The following SPINK7 variants were observed in gnomAD, a reference collection of about 807,000 sequenced individuals.
SPINK7 encodes the protein serine protease inhibitor Kazal-type 7.
SPINK7 carries 8 observed loss-of-function variants against 11.6 expected under a neutral mutation model. That is an observed-to-expected ratio of 0.69 (90% CI 0.41 to 1.25). The LOEUF (loss-of-function observed/expected upper bound fraction) is 1.25, where lower values mean the gene tolerates loss of function less well. Ranked by LOEUF, SPINK7 falls within the 50% of genes most tolerant of loss-of-function variation. SPINK7 has a pLI of 0.01. For missense variants in SPINK7, 113 were observed against 99.3 expected (o/e 1.14, Z -0.58); for synonymous variants, 38 against 35.3 (o/e 1.08, Z -0.27).
At chr5:148,313,594 A>T (rs1215742140) in intron 2 of SPINK7, 195 bp downstream of exon 2, 1 of 430,490 alleles carries the variant, frequency 2.3e-6, no homozygotes, top group Non-Finnish European at 4.1e-6. Context: ...AATGTTTTTT[A>T]AAAATGCCAG....
intron 3 of SPINK7, among the ~76,000 whole-genome samples, chr5:148,314,881 T>C (rs1756909990): frequency 6.6e-6 from 1 of 152,180 alleles, no homozygotes; most frequent in African/African-American, 2.4e-5. Flanking sequence ...CTGTCAGTAT[T>C]TGGACCAGAA....
intron 3 of SPINK7, among the ~76,000 whole-genome samples, chr5:148,315,123 T>C (rs1252103883): frequency 6.6e-6 from 1 of 152,132 alleles, no homozygotes; most frequent in Non-Finnish European, 1.5e-5. Flanking sequence ...CAACAAGCCC[T>C]TAGCCCAAAA....
intron 2 of SPINK7, 41 bp downstream of exon 2, chr5:148,313,440 ACTGT>A: frequency 2.0e-6 from 3 of 1,464,772 alleles, no homozygotes; most frequent in Non-Finnish European, 2.9e-6. Context: ...ATAACTATTG[ACTGT>A]CATTTAGTCA....
At chr5:148,314,303 C>A (rs1374004113) in intron 3 of SPINK7, 79 bp downstream of exon 3, 1 of 1,484,486 alleles carries the variant, frequency 6.7e-7, no homozygotes, top group Admixed American at 1.8e-5. Context: ...CAGGATCCAG[C>A]TTAAATCTCT....
At chr5:148,315,122 C>G (rs978330456) in intron 3 of SPINK7, among the ~76,000 whole-genome samples, 1 of 152,064 alleles carries the variant, frequency 6.6e-6, no homozygotes, top group Non-Finnish European at 1.5e-5. Flanking sequence ...ACAACAAGCC[C>G]TTAGCCCAAA....
intron 1 of SPINK7, 123 bp downstream of exon 1, chr5:148,312,667 A>G (rs2113397561): frequency 3.3e-6 from 2 of 614,078 alleles, no homozygotes; most frequent in Middle Eastern, 3.9e-4. Flanking sequence ...CTGGTTTGTA[A>G]TAGGATCTTA....
chr5:148,315,658 C>G lies in SPINK7; in HGVS notation c.232C>G (p.Gln78Glu), dbSNP rs1391801326. The G allele has an allele frequency of 3.1e-6, 5 of 1,602,156 alleles. No individual in the cohort carries two copies. In the African/African-American group the frequency reaches 4.0e-5, roughly 13 times the overall value. ...TESLKSNGRV[Q>E]FLHDGSC ...CCTTAGGAAAAGTAATGGAAGAGTT[C>G]AGTTTCTTCACGATGGAAGTTGCTA... Residue 78 changes from glutamine to glutamate, a missense_variant, in exon 4 of 4, where the codon CAG becomes GAG. Gln to Glu is a conservative substitution (Grantham distance 29). Coordinates refer to ENST00000274565, the MANE Select transcript of SPINK7 (RefSeq NM_032566.3).
intron 1 of SPINK7, 46 bp from the exon 2 acceptor site, chr5:148,313,328 A>C: frequency 6.6e-7 from 1 of 1,506,368 alleles, no homozygotes. Context: ...AATGAGATTT[A>C]AAGTTTGCTT....
At chr5:148,313,950 T>C in intron 2 of SPINK7, 150 bp from the exon 3 acceptor site, 1 of 887,410 alleles carries the variant, frequency 1.1e-6, no homozygotes. Context: ...AGTGCTAGTA[T>C]TTGTCATAGT....
At position 148,314,146 on chromosome 5, in the gene SPINK7, G is replaced by A. The variant is rs1756898230; in HGVS notation, c.134G>A (p.Cys45Tyr). The A allele has an allele frequency of 6.2e-7, 1 of 1,613,748 alleles. No homozygotes were observed. Among genetic ancestry groups the A allele is most frequent in the African/African-American group, 1.3e-5 (1 of 74,960 alleles). ...YKKYPVVAIP[C>Y]PITYLPVCGS... ...AAGTATCCAGTGGTGGCCATCCCCT[G>A]CCCCATCACATACCTACCAGTTTGT... Residue 45 changes from cysteine to tyrosine, a missense_variant, in exon 3 of 4, where the codon TGC becomes TAC. Physicochemically the swap from Cys to Tyr is radical, Grantham distance 194 (BLOSUM62 -2). Coordinates refer to ENST00000274565, the MANE Select transcript of SPINK7 (RefSeq NM_032566.3).
intron 3 of SPINK7, among the ~76,000 whole-genome samples, chr5:148,315,070 G>C (rs1392918710): frequency 6.6e-6 from 1 of 152,106 alleles, no homozygotes; most frequent in Non-Finnish European, 1.5e-5. Context: ...TGGACACTTA[G>C]ATCTTGCGTT....
At chr5:148,313,495 G>A in intron 2 of SPINK7, 96 bp downstream of exon 2, 1 of 850,116 alleles carries the variant, frequency 1.2e-6, no homozygotes. Flanking sequence ...GGATTCGAGA[G>A]GGAGGCAAAC....
chr5:148,314,305 T>G (rs1756902725), intron 3 of SPINK7, 81 bp downstream of exon 3: 5 of 1,459,358 alleles, frequency 3.4e-6, no homozygotes. Flanking sequence ...GGATCCAGCT[T>G]AAATCTCTAT....
chr5:148,313,354 C>A lies in SPINK7; in HGVS notation c.62-20C>A. 1 of 1,591,670 alleles carries A rather than the reference C, an allele frequency of 6.3e-7. No homozygotes were observed. The highest frequency in any genetic ancestry group is 8.6e-7 in the Non-Finnish European group (1 of 1,164,564). On this transcript the variant is annotated intron_variant, in intron 1 of 3. Transcript: ENST00000274565. ...AAGTTTGCTTTACTTTTAACATCTT[C>A]ATCTGTATCTCTTTTTCAGAAGCTG...
intron 3 of SPINK7, among the ~76,000 whole-genome samples, chr5:148,314,887 C>G (rs1756910030): frequency 6.6e-6 from 1 of 152,086 alleles, no homozygotes; most frequent in South Asian, 2.1e-4. Flanking sequence ...GTATTTGGAC[C>G]AGAATACCAC....
chr5:148,314,377 G>A, intron 3 of SPINK7, 153 bp downstream of exon 3: 1 of 821,314 alleles, frequency 1.2e-6, no homozygotes. Context: ...ACTGACTGTT[G>A]CACAATCAGA....
Position 148,315,222 on chromosome 5 carries a change from C to T in SPINK7, c.213-417C>T, listed in dbSNP as rs187113006. Among the ~76,000 whole-genome samples the T allele has an allele frequency of 1.4e-3, 217 of 152,232 alleles. 4 individuals are homozygous for T. In the East Asian group the frequency reaches 0.038, roughly 27 times the overall value. The stretch of plus-strand genomic sequence containing the variant: ...ACATAGGCAGACTGGGAAACTAGCC[C>T]TTGGCCAGGAAACTAGCTGTTTTCA... On this transcript the variant is annotated intron_variant, in intron 3 of 3. Transcript: ENST00000274565.
chr5:148,312,521 T>C lies in SPINK7; in HGVS notation c.38T>C (p.Val13Ala), dbSNP rs1349650259. The change falls in exon 1 of 4, where the codon GTG becomes GCG. Residue 13 changes from valine (V) to alanine (A), a missense_variant. Transcript: ENST00000274565. The part of the protein sequence containing the change: ...ITGGLLLLCT[V>A]VYFCSSSEAA... ...GGGGGTCTCCTTCTGCTCTGTACAGTGGTCTATTTCTGTAGCAGCTCAGGT... is the reference window on the plus strand; with the variant it reads ...GGGGGTCTCCTTCTGCTCTGTACAGCGGTCTATTTCTGTAGCAGCTCAGGT... 1.2e-6 allele frequency: 2 copies of C among 1,610,748 alleles called. No homozygotes were observed. The highest frequency in any genetic ancestry group is 2.2e-5 in the East Asian group (1 of 44,854).
In SPINK7 at chr5:148,312,476, T is replaced by C; in HGVS notation, c.-8T>C. The C allele has an allele frequency of 5.0e-6, 8 of 1,604,892 alleles. No individual in the cohort carries two copies. The highest frequency in any genetic ancestry group is 6.0e-6 in the Non-Finnish European group (7 of 1,171,752). ...CAGAGCAGCTTCTACACCACAGCCATTTCCAGCATGAAGATCACTGGGGGT... is the reference window on the plus strand; with the variant it reads ...CAGAGCAGCTTCTACACCACAGCCACTTCCAGCATGAAGATCACTGGGGGT... On this transcript the variant is annotated 5_prime_UTR_variant, in exon 1 of 4. Transcript: ENST00000274565.
Sources: gnomAD v4.1 joint callset for allele counts (sites outside exome capture counted in the v4.1 genomes callset) on GRCh38, gnomAD v4.1.1 for gene constraint, MANE v1.5 for transcripts, NCBI Gene and HGNC (gene_info 2026-07-23, HGNC 2026-07-21) for gene names.